Variants in RBKS observed in about 807,000 individuals in gnomAD.
RBKS encodes the protein ribokinase.
In RBKS, 33 loss-of-function variants were observed where a neutral mutation model predicts 33.9. That is an observed-to-expected ratio of 0.97 (90% CI 0.74 to 1.30). The LOEUF is 1.30. Ranked by LOEUF, RBKS falls within the 50% of genes most tolerant of loss-of-function variation. RBKS has a pLI of 0.00. For missense variants in RBKS, 361 were observed against 392.6 expected (o/e 0.92, Z 0.68); for synonymous variants, 125 against 143.0 (o/e 0.87, Z 0.90).
At chr2:27,846,113 T>C (rs1003122144) in intron 4 of RBKS, among the ~76,000 whole-genome samples, 3 of 152,268 alleles carry the variant, frequency 2.0e-5, no homozygotes, top group South Asian at 2.1e-4. Flanking sequence ...TACAGGCATT[T>C]GCCACCAGGC....
chr2:27,824,827 A>C (rs964424842), intron 7 of RBKS, among the ~76,000 whole-genome samples: 1 of 152,166 alleles, frequency 6.6e-6, no homozygotes, highest in Non-Finnish European at 1.5e-5. Flanking sequence ...CAATACACTT[A>C]TACTGCTTTT....
In RBKS at chr2:27,781,737, G is replaced by A; in HGVS notation, c.847C>T (p.Pro283Ser). Residue 283 changes from proline to serine, a missense_variant, in exon 8 of 8, where the codon CCA becomes TCA. Pro to Ser is a moderately conservative substitution (Grantham distance 74). Transcript: ENST00000302188. Reference protein sequence around the residue: ...GALAFYLAYYPNLSLEDMLNR... With the variant: ...GALAFYLAYYSNLSLEDMLNR... Reference sequence around the variant, plus strand: ...AGCATGTCTTCCAAGGACAGATTTGGATAGTAAGCCAGGTAGAAGGCCAGA... The same window carrying A: ...AGCATGTCTTCCAAGGACAGATTTGAATAGTAAGCCAGGTAGAAGGCCAGA... 1 of 1,614,044 alleles carries A rather than the reference G, an allele frequency of 6.2e-7. No homozygotes were observed. Among genetic ancestry groups the A allele is most frequent in the South Asian group, 1.1e-5 (1 of 91,062 alleles).
At chr2:27,861,670 GGGGT>G in intron 1 of RBKS, 1 of 427,834 alleles carries the variant, frequency 2.3e-6, no homozygotes, top group Non-Finnish European at 4.8e-6. Context: ...TTTTGGGGGG[GGGGT>G]GGAGTCTCAC....
intron 1 of RBKS, among the ~76,000 whole-genome samples, chr2:27,868,577 T>A (rs1052201236): frequency 6.6e-6 from 1 of 152,210 alleles, no homozygotes; most frequent in Non-Finnish European, 1.5e-5. Context: ...GTCATTTATA[T>A]AAGAGCATAA....
rs991014388 is a variant in RBKS at position 27,837,569 on chromosome 2, T to A, written c.515-4792A>T. Among the ~76,000 whole-genome samples, 1 of 152,140 alleles carries A rather than the reference T, an allele frequency of 6.6e-6. No homozygotes were observed. The highest frequency in any genetic ancestry group is 1.5e-5 in the Non-Finnish European group (1 of 68,022). On this transcript the variant is annotated intron_variant, in intron 5 of 7. Coordinates refer to ENST00000302188, the MANE Select transcript of RBKS (RefSeq NM_022128.3). This position sits in a 1 kb window ranked among gnomAD's most constrained non-coding sequence, Gnocchi z 4.0. ...TAGTCACAATAGCAAAGACATGGAA[T>A]CAACCTAGGTGCCCATCAATGGTGG...
intron 4 of RBKS, among the ~76,000 whole-genome samples, chr2:27,844,439 C>A (rs1663579662): frequency 6.6e-6 from 1 of 152,074 alleles, no homozygotes; most frequent in South Asian, 2.1e-4. Flanking sequence ...GTTGCCCAGG[C>A]TGGAGTGCAG....
At chr2:27,809,177 A>G (rs994644234) in intron 7 of RBKS, among the ~76,000 whole-genome samples, 6 of 152,192 alleles carry the variant, frequency 3.9e-5, no homozygotes, top group Admixed American at 3.9e-4. Context: ...CAGCCTGAGG[A>G]ACATGTGAAG....
chr2:27,821,607 C>A (rs1401353757), intron 7 of RBKS, among the ~76,000 whole-genome samples: 1 of 152,086 alleles, frequency 6.6e-6, no homozygotes, highest in African/African-American at 2.4e-5. Context: ...TCCTTGAACA[C>A]TAAAGTATGT....
chr2:27,818,182 T>G (rs1317733797), intron 7 of RBKS, among the ~76,000 whole-genome samples: 1 of 152,212 alleles, frequency 6.6e-6, no homozygotes, highest in Non-Finnish European at 1.5e-5. Context: ...TATATAGGGA[T>G]GTACTAGTAA....
intron 7 of RBKS, among the ~76,000 whole-genome samples, chr2:27,786,945 C>A (rs1224064934): frequency 6.6e-6 from 1 of 152,214 alleles, no homozygotes; most frequent in African/African-American, 2.4e-5. Context: ...ACGATTCTCA[C>A]AACTTGATTA....
intron 7 of RBKS, among the ~76,000 whole-genome samples, chr2:27,801,960 AAAAATATATATAT>A (rs1448737145): frequency 8.7e-5 from 6 of 68,854 alleles, no homozygotes; most frequent in African/African-American, 3.5e-4. Flanking sequence ...GAAAAAAAAA[AAAAATATATATAT>A]ATATATATAT....
At chr2:27,817,748 G>A (rs933957875) in intron 7 of RBKS, among the ~76,000 whole-genome samples, 1 of 152,064 alleles carries the variant, frequency 6.6e-6, no homozygotes, top group Non-Finnish European at 1.5e-5. Context: ...AATTATAGAC[G>A]CCTGTATCAT....
chr2:27,791,649 A>ACACACAC (rs1456963977), intron 7 of RBKS, among the ~76,000 whole-genome samples: 8 of 52,526 alleles, frequency 1.5e-4, no homozygotes, highest in African/African-American at 3.8e-4. Flanking sequence ...CACACTAAAT[A>ACACACAC]TACATATACA....
Position 27,843,099 on chromosome 2 carries a change from A to C in RBKS, c.482T>G (p.Leu161Trp). 2 of 1,607,910 alleles carry C rather than the reference A, an allele frequency of 1.2e-6. No homozygotes were observed. Among genetic ancestry groups the C allele is most frequent in the Non-Finnish European group, 1.7e-6 (2 of 1,176,818 alleles). The part of the protein sequence containing the change: ...CQLEITPATS[L>W]EALTMARRSG... ...CCTGCGGGCCATTGTTAGGGCTTCC[A>C]AAGAAGTTGCTGGAGTTATTTCGAG... is the stretch of plus-strand genomic sequence containing the variant. The change falls in exon 5 of 8, where the codon TTG (leucine) becomes TGG (tryptophan). Residue 161 changes from leucine (L) to tryptophan (W), a missense_variant. Leu to Trp is a moderately conservative substitution (Grantham distance 61). Coordinates refer to ENST00000302188, the MANE Select transcript of RBKS (RefSeq NM_022128.3).
chr2:27,823,518 C>T (rs1276819599), intron 7 of RBKS, among the ~76,000 whole-genome samples: 2 of 152,084 alleles, frequency 1.3e-5, no homozygotes, highest in East Asian at 3.9e-4. Flanking sequence ...GCAAGTAATA[C>T]CCTCCTGACA....
chr2:27,818,480 C>G (rs1052156699), intron 7 of RBKS, among the ~76,000 whole-genome samples: 2 of 152,166 alleles, frequency 1.3e-5, no homozygotes, highest in African/African-American at 4.8e-5. Flanking sequence ...TGGAGACAGA[C>G]AGACAGACAG....
At chr2:27,832,646 T>C in intron 6 of RBKS, 40 bp downstream of exon 6, 1 of 1,334,186 alleles carries the variant, frequency 7.5e-7, no homozygotes, top group Non-Finnish European at 1.1e-6. Flanking sequence ...TGTACAAACT[T>C]TTGGTTTCTC....
At chr2:27,886,274 G>A (rs1317103230) in intron 1 of RBKS, among the ~76,000 whole-genome samples, 3 of 152,186 alleles carry the variant, frequency 2.0e-5, no homozygotes, top group Non-Finnish European at 4.4e-5. Context: ...ACACAGTAAT[G>A]TAATATATAA....
At chr2:27,801,986 ATATATATTTTTTTTT>A (rs1558536524) in intron 7 of RBKS, among the ~76,000 whole-genome samples, 3 of 92,812 alleles carry the variant, frequency 3.2e-5, no homozygotes, top group African/African-American at 1.5e-4. Flanking sequence ...ATATATATAT[ATATATATTTTTTTTT>A]TTTTTTTTTT....
Sources: gnomAD v4.1 joint callset for allele counts (sites outside exome capture counted in the v4.1 genomes callset) on GRCh38, gnomAD v4.1.1 for gene constraint, Gnocchi (gnomAD v3.1) non-coding constraint, MANE v1.5 for transcripts, NCBI Gene and HGNC (gene_info 2026-07-23, HGNC 2026-07-21) for gene names.